The following ATRNL1 variants were observed in gnomAD, a reference collection of about 807,000 sequenced individuals.
ATRNL1 encodes attractin-like protein 1.
ATRNL1 carries 95 observed loss-of-function variants against 182.7 expected under a neutral mutation model. The ratio of observed to expected loss-of-function variants is 0.52; its 90% CI spans 0.44 to 0.62. ATRNL1 has a LOEUF of 0.62. ATRNL1 is among the 20% of genes least tolerant of loss of function. The pLI, the probability that ATRNL1 is intolerant of heterozygous loss-of-function variation, is 0.00. For synonymous variants in ATRNL1, 576 were observed against 568.3 expected (o/e 1.01, Z -0.19); for missense variants, 1,471 against 1,679.5 (o/e 0.88, Z 2.17).
At chr10:115,266,753 C>A in intron 11 of ATRNL1, 44 bp from the exon 12 acceptor site, 3 of 1,211,646 alleles carry the variant, frequency 2.5e-6, no homozygotes, top group Non-Finnish European at 2.4e-6. Flanking sequence ...TAGATAGGGA[C>A]TTTTAATAGC....
At chr10:115,750,592 G>T (rs1555070409) in intron 27 of ATRNL1, among the ~76,000 whole-genome samples, 1 of 151,384 alleles carries the variant, frequency 6.6e-6, no homozygotes, top group Non-Finnish European at 1.5e-5. Flanking sequence ...AAGCAATAAA[G>T]GAAAAGGCTA....
chr10:115,151,741 G>T (rs1225586585), intron 5 of ATRNL1, among the ~76,000 whole-genome samples: 6 of 152,072 alleles, frequency 3.9e-5, no homozygotes, highest in African/African-American at 9.7e-5. Flanking sequence ...GTCAATTTTG[G>T]CTTTTGTTGC....
chr10:115,668,721 A>G (rs1861143128), intron 26 of ATRNL1, among the ~76,000 whole-genome samples: 1 of 152,108 alleles, frequency 6.6e-6, no homozygotes, highest in African/African-American at 2.4e-5. Context: ...TGTGTCTTAA[A>G]CAGGTCACCA....
At chr10:115,195,333 T>C (rs573907241) in intron 8 of ATRNL1, among the ~76,000 whole-genome samples, 25 of 152,266 alleles carry the variant, frequency 1.6e-4, no homozygotes, top group Admixed American at 6.6e-4. Flanking sequence ...TCTGAGAAAG[T>C]ATTTCTCCTT....
intron 18 of ATRNL1, among the ~76,000 whole-genome samples, chr10:115,331,201 A>G (rs1157299089): frequency 1.3e-5 from 2 of 152,020 alleles, no homozygotes; most frequent in African/African-American, 4.8e-5. Flanking sequence ...CTGGGACTAC[A>G]GGCGCCCGCC....
At chr10:115,143,558 A>G (rs557876378) in intron 5 of ATRNL1, among the ~76,000 whole-genome samples, 1 of 152,310 alleles carries the variant, frequency 6.6e-6, no homozygotes, top group Non-Finnish European at 1.5e-5. Flanking sequence ...TATTCCTCAC[A>G]GTTCTGGAGA....
intron 26 of ATRNL1, among the ~76,000 whole-genome samples, chr10:115,684,109 T>C (rs554835742): frequency 6.6e-6 from 1 of 151,874 alleles, no homozygotes; most frequent in South Asian, 2.1e-4. Flanking sequence ...TATTACATAG[T>C]AGTTTAATTG....
chr10:115,150,066 A>G (rs897003617), intron 5 of ATRNL1, among the ~76,000 whole-genome samples: 3 of 151,556 alleles, frequency 2.0e-5, no homozygotes, highest in Non-Finnish European at 4.4e-5. Flanking sequence ...TCTTGATTCA[A>G]TCTTAGTAGG....
intron 26 of ATRNL1, among the ~76,000 whole-genome samples, chr10:115,593,314 C>T (rs965134263): frequency 1.3e-4 from 20 of 152,254 alleles, no homozygotes; most frequent in African/African-American, 4.1e-4. Flanking sequence ...AGAGCAAAGC[C>T]GAGGTATCTC....
At chr10:115,731,764 C>T (rs1197640596) in intron 27 of ATRNL1, among the ~76,000 whole-genome samples, 4 of 151,714 alleles carry the variant, frequency 2.6e-5, no homozygotes, top group African/African-American at 9.7e-5. Context: ...CCGAAAGAAA[C>T]CCTATGCCTT....
chr10:115,890,411 A>G (rs2134461620), intron 28 of ATRNL1, among the ~76,000 whole-genome samples: 1 of 152,200 alleles, frequency 6.6e-6, no homozygotes, highest in East Asian at 1.9e-4. Context: ...CTCATTCATC[A>G]CCTATTTTCA....
At chr10:115,546,795 G>C (rs1852682568) in intron 25 of ATRNL1, among the ~76,000 whole-genome samples, 1 of 152,078 alleles carries the variant, frequency 6.6e-6, no homozygotes, top group Non-Finnish European at 1.5e-5. Flanking sequence ...TACACTGCCA[G>C]ATATCGCCTG....
chr10:115,553,935 A>G lies in ATRNL1; in HGVS notation c.3795+4399A>G, dbSNP rs1853155842. Among the ~76,000 whole-genome samples the G allele has an allele frequency of 3.3e-5, 5 of 151,516 alleles. No individual in the cohort carries two copies. In the South Asian group the frequency reaches 1.0e-3, roughly 31 times the overall value. ...TAAATTAAACTACTCTTTTCTCCTT[A>G]GACACTAAATATATTTACAGAAAGA... On this transcript the variant is annotated intron_variant, in intron 26 of 28. Coordinates refer to ENST00000355044, the MANE Select transcript of ATRNL1 (RefSeq NM_207303.4).
At chr10:115,615,540 G>C (rs1311234999) in intron 26 of ATRNL1, among the ~76,000 whole-genome samples, 1 of 151,988 alleles carries the variant, frequency 6.6e-6, no homozygotes, top group Non-Finnish European at 1.5e-5. Flanking sequence ...GATATGGTTT[G>C]GATCTGTGTC....
At chr10:115,437,025 TG>T (rs1846435126) in intron 21 of ATRNL1, among the ~76,000 whole-genome samples, 1 of 151,900 alleles carries the variant, frequency 6.6e-6, no homozygotes, top group East Asian at 1.9e-4. Context: ...ACCTAATTTG[TG>T]GGATAGGGAG....
intron 26 of ATRNL1, among the ~76,000 whole-genome samples, chr10:115,669,571 T>G (rs1945630325): frequency 6.6e-6 from 1 of 152,148 alleles, no homozygotes; most frequent in Admixed American, 6.5e-5. Context: ...CCCTTTCTTG[T>G]GAACTACAGT....
intron 24 of ATRNL1, among the ~76,000 whole-genome samples, chr10:115,513,593 G>A (rs1041997809): frequency 1.3e-5 from 2 of 151,856 alleles, no homozygotes; most frequent in Non-Finnish European, 2.9e-5. Flanking sequence ...CCTTAAGGAG[G>A]GAATCTTGAA....
Position 115,266,008 on chromosome 10 carries a change from C to A in ATRNL1, c.1772+731C>A, listed in dbSNP as rs1366270170. On this transcript the variant is annotated intron_variant, in intron 11 of 28. Transcript: ENST00000355044. ...CACAATGAAACTGTGTAACTGATAT[C>A]AAGTGGCTGTCCAAACAGTAATACA... is the stretch of plus-strand genomic sequence containing the variant. Among the ~76,000 whole-genome samples the A allele has an allele frequency of 2.6e-5, 4 of 151,762 alleles. No homozygotes were observed. The East Asian group carries it at 7.7e-4, about 29-fold the overall frequency.
At chr10:115,553,480 A>G (rs1853122356) in intron 26 of ATRNL1, among the ~76,000 whole-genome samples, 1 of 151,344 alleles carries the variant, frequency 6.6e-6, no homozygotes, top group Non-Finnish European at 1.5e-5. Flanking sequence ...TATTTCTCAC[A>G]TATTACACTT....
Sources: allele counts gnomAD v4.1 joint callset (sites outside exome capture counted in the v4.1 genomes callset), GRCh38; gene constraint gnomAD v4.1.1; transcripts MANE v1.5; gene names NCBI Gene and HGNC (gene_info 2026-07-23, HGNC 2026-07-21).